Variants in SETX observed in about 807,000 individuals in gnomAD.
The protein encoded by SETX is helicase senataxin.
In SETX, 90 loss-of-function variants were observed where a neutral mutation model predicts 227.2. The ratio of observed to expected loss-of-function variants is 0.40; its 90% CI spans 0.33 to 0.47. SETX has a LOEUF of 0.47. Among genes scored for constraint, SETX ranks in the 20% least tolerant of loss-of-function variants. The probability of loss-of-function intolerance (pLI) is 0.91; values close to 1 mark genes in which losing one functional copy is unlikely to be tolerated. For synonymous variants in SETX, 1,210 were observed against 1,113.2 expected (o/e 1.09, Z -1.73); for missense variants, 3,052 against 3,181.5 (o/e 0.96, Z 0.98).
intron 5 of SETX, among the ~76,000 whole-genome samples, chr9:132,338,276 A>G (rs1468654675): frequency 6.6e-6 from 1 of 151,954 alleles, no homozygotes; most frequent in Non-Finnish European, 1.5e-5. Flanking sequence ...TATTTTTAGT[A>G]GAGACGGGGT....
rs375613794 is a variant in SETX, at chr9:132,300,895, G to C, written c.5375-92C>G. 1.2e-4 allele frequency: 141 copies of C among 1,222,640 alleles called. 1 individual carries two copies. The South Asian group carries it at 1.8e-3, about 16-fold the overall frequency. 75.7% of individuals were successfully genotyped at this position (1,222,640 alleles called of 1,614,324 possible). ...AAAAGAAATTAAATCCTTGTATTAA[G>C]TTCAAAAATACACAGCACTAAAGGA... On this transcript the variant is annotated intron_variant, in intron 11 of 25. Coordinates refer to ENST00000224140, the MANE Select transcript of SETX (RefSeq NM_015046.7).
chr9:132,272,774 T>A (rs1441319855), intron 23 of SETX, among the ~76,000 whole-genome samples: 3 of 152,262 alleles, frequency 2.0e-5, no homozygotes, highest in African/African-American at 7.2e-5. Context: ...TCCCTTAGCA[T>A]AACATTTCCA....
intron 10 of SETX, among the ~76,000 whole-genome samples, chr9:132,317,759 G>A (rs947879425): frequency 6.6e-6 from 1 of 151,702 alleles, no homozygotes; most frequent in African/African-American, 2.4e-5. Flanking sequence ...CACTGTACCT[G>A]GCCATCTTTT....
intron 6 of SETX, among the ~76,000 whole-genome samples, chr9:132,335,194 T>A (rs553972282): frequency 2.6e-5 from 4 of 151,496 alleles, no homozygotes; most frequent in Admixed American, 1.3e-4. Flanking sequence ...ATCGAGACCA[T>A]CCTGGCTAAC....
intron 10 of SETX, among the ~76,000 whole-genome samples, chr9:132,320,549 G>A (rs1186208065): frequency 1.6e-5 from 2 of 124,824 alleles, no homozygotes; most frequent in African/African-American, 6.2e-5. Context: ...AGCCAAGATC[G>A]CACCACTGCA....
chr9:132,293,237 CTAA>C (rs1457771606), intron 15 of SETX, among the ~76,000 whole-genome samples: 1 of 152,074 alleles, frequency 6.6e-6, no homozygotes, highest in East Asian at 1.9e-4. Context: ...AACAAAAACA[CTAA>C]TGAGAAAGCA....
At chr9:132,321,994 C>T (rs1846388625) in intron 10 of SETX, among the ~76,000 whole-genome samples, 1 of 152,152 alleles carries the variant, frequency 6.6e-6, no homozygotes, top group South Asian at 2.1e-4. Flanking sequence ...TAACAAAATA[C>T]AGATTATAAC....
rs1842557730 is a variant in SETX, at chr9:132,264,798, C to G, written c.7475G>C (p.Ser2492Thr). ...GGCAAATCCACTGTCTAGCTTGCTGCTGGGCAAACCACCCTGGGGTCTGGA... is the reference window on the plus strand; with the variant it reads ...GGCAAATCCACTGTCTAGCTTGCTGGTGGGCAAACCACCCTGGGGTCTGGA... ...EGSRPQGGLPSSKLDSGFAKT... is the reference protein window; with the variant it reads ...EGSRPQGGLPTSKLDSGFAKT... The change falls in exon 26 of 26, where the codon AGC becomes ACC. Residue 2492 changes from serine to threonine, a missense_variant. Physicochemically the swap from Ser to Thr is moderately conservative, Grantham distance 58. Transcript: ENST00000224140. 6.8e-6 allele frequency: 11 copies of G among 1,614,082 alleles called. No homozygotes were observed. The highest frequency in any genetic ancestry group is 9.3e-6 in the Non-Finnish European group (11 of 1,180,046).
At chr9:132,347,568 C>T (rs1250556093) in intron 3 of SETX, among the ~76,000 whole-genome samples, 2 of 151,930 alleles carry the variant, frequency 1.3e-5, no homozygotes, top group African/African-American at 4.8e-5. Context: ...CCTCAGCATC[C>T]CAAAGTGCTG....
At chr9:132,322,012 A>G (rs1846389524) in intron 10 of SETX, among the ~76,000 whole-genome samples, 1 of 152,126 alleles carries the variant, frequency 6.6e-6, no homozygotes, top group Admixed American at 6.5e-5. Context: ...AACTGCACCT[A>G]AGCACAAAAC....
intron 10 of SETX, among the ~76,000 whole-genome samples, chr9:132,317,545 G>A (rs1000462894): frequency 2.0e-5 from 3 of 151,922 alleles, no homozygotes; most frequent in Non-Finnish European, 2.9e-5. Flanking sequence ...TTGCCCCTCT[G>A]AATTGTTCTC....
At position 132,300,775 on chromosome 9, in the gene SETX, T is replaced by G. The variant is rs762071010; in HGVS notation, c.5403A>C (p.Lys1801Asn). 6.2e-6 allele frequency: 10 copies of G among 1,613,410 alleles called. No individual in the cohort carries two copies. The East Asian group carries it at 1.1e-4, about 18-fold the overall frequency. ...AVYLEECELA[K>N]QLYPKENDLV... ...AATCGTTTTCCTTTGGATAAAGCTG[T>G]TTAGCCAGTTCACATTCTTCCAGAT... Residue 1801 changes from lysine to asparagine, a missense_variant, in exon 12 of 26, where the codon AAA (lysine) becomes AAC (asparagine). Physicochemically the swap from Lys to Asn is moderately conservative, Grantham distance 94. Coordinates refer to ENST00000224140, the MANE Select transcript of SETX (RefSeq NM_015046.7).
At chr9:132,326,298 G>A (rs1472903887) in intron 10 of SETX, 26 bp downstream of exon 10, 10 of 1,504,512 alleles carry the variant, frequency 6.6e-6, no homozygotes, top group South Asian at 4.5e-5. Context: ...AGTTTGGAGA[G>A]GCATACAAAT....
Position 132,326,573 on chromosome 9 carries a change from T to A in SETX, c.5025A>T (p.Pro1675=), listed in dbSNP as rs772347772. 1.2e-6 allele frequency: 2 copies of A among 1,614,218 alleles called. No individual in the cohort carries two copies. Among genetic ancestry groups the A allele is most frequent in the Non-Finnish European group, 8.5e-7 (1 of 1,180,038 alleles). The change falls in exon 10 of 26, where the codon CCA becomes CCT. Residue 1675 remains proline (P), a synonymous_variant. Transcript: ENST00000224140. ...ATGGAAAATATTTGCTTTCACCAAA[T>A]GGAACTTTGCAACCTTGCCTGTTGG... ...NNSNRQGCKV[P]FGESKYFPSS...
rs1322352232 is a variant in SETX at position 132,334,743 on chromosome 9, G to GA, written c.719-17dup. ...ATGCAAATACCTGTAAGATCATTTA[G>GA]AGTTATCTTGAATTGATGAAATAAT... On this transcript the variant is annotated splice_polypyrimidine_tract_variant and intron_variant, in intron 6 of 25. Transcript: ENST00000224140. 5 of 1,613,348 alleles carry GA rather than the reference G, an allele frequency of 3.1e-6. No homozygotes were observed. The highest frequency in any genetic ancestry group is 4.2e-6 in the Non-Finnish European group (5 of 1,179,544).
rs1196299831 is a variant in SETX, at chr9:132,312,005, A to G, written c.5275-149T>C. 1.2e-5 allele frequency: 8 copies of G among 688,010 alleles called. No homozygotes were observed. In the Admixed American group the frequency reaches 1.5e-4, roughly 13 times the overall value. The allele number at this position is 688,010 out of a possible 1,614,324, so 42.6% of individuals were successfully genotyped here. Reference sequence around the variant, plus strand: ...AAATTGATTCACGGCAGGTTAATACAATTATCTGGAACTGTCCTGCCCAAT... The same window carrying G: ...AAATTGATTCACGGCAGGTTAATACGATTATCTGGAACTGTCCTGCCCAAT... On this transcript the variant is annotated intron_variant, in intron 10 of 25. Transcript: ENST00000224140.
intron 10 of SETX, among the ~76,000 whole-genome samples, chr9:132,314,907 T>TTTTTTTTTTTTTTTTTTTTTTTTG (rs1845879136): frequency 1.3e-5 from 1 of 75,950 alleles, no homozygotes; most frequent in Non-Finnish European, 2.3e-5. Flanking sequence ...TTTTATTGTG[T>TTTTTTTTTTTTTTTTTTTTTTTTG]TTTTTTTTTT....
intron 20 of SETX, among the ~76,000 whole-genome samples, 183 bp from the exon 21 acceptor site, chr9:132,278,440 T>G (rs1034058115): frequency 8.2e-5 from 1 of 12,156 alleles, no homozygotes; most frequent in Non-Finnish European, 1.2e-4. Context: ...CATGAATCTT[T>G]TTTTTTTTTT....
chr9:132,278,022 T>C lies in SETX; in HGVS notation c.6842+48A>G, dbSNP rs1471122646. 3.9e-6 allele frequency: 6 copies of C among 1,533,370 alleles called. No homozygotes were observed. The Admixed American group carries it at 5.0e-5, about 13-fold the overall frequency. 95.0% of individuals were successfully genotyped at this position (1,533,370 alleles called of 1,614,324 possible). A position where few individuals can be genotyped will look rare whatever the true frequency, so the allele number is the denominator to read the frequency against. On this transcript the variant is annotated intron_variant, in intron 21 of 25. Transcript: ENST00000224140. ...CAGTAAAATGTCTATTCTTCATAAG[T>C]AGCTAAACTACAACAAAATAAGGTC...
Sources: gnomAD v4.1 joint callset for allele counts (sites outside exome capture counted in the v4.1 genomes callset) on GRCh38, gnomAD v4.1.1 for gene constraint, MANE v1.5 for transcripts, NCBI Gene and HGNC (gene_info 2026-07-23, HGNC 2026-07-21) for gene names.